Variants in PCDHGC5 observed in about 807,000 individuals in gnomAD.
PCDHGC5 encodes the protein protocadherin gamma subfamily C, 5.
In PCDHGC5, 25 loss-of-function variants were observed where a neutral mutation model predicts 59.0. The observed-to-expected ratio is 0.42, with a 90% CI of 0.31 to 0.59. The LOEUF is 0.59. Among genes scored for constraint, PCDHGC5 ranks in the 20% least tolerant of loss-of-function variants. The pLI is 0.13. For synonymous variants in PCDHGC5, 434 were observed against 505.5 expected, an observed-to-expected ratio of 0.86 and a Z score of 1.90; for missense variants, 1,067 against 1,206.4, an observed-to-expected ratio of 0.88 and a Z score of 1.71.
At chr5:141,494,638 A>G (rs2099755799) in intron 1 of PCDHGC5, 169 bp from the exon 2 acceptor site, 1 of 896,388 alleles carries the variant, frequency 1.1e-6, no homozygotes, top group African/African-American at 1.8e-5. Context: ...GACCTCTGAG[A>G]CCTGAGGTGT....
Position 141,490,446 on chromosome 5 carries a change from C to T in PCDHGC5, c.1206C>T (p.Asn402=), listed in dbSNP as rs779502898. 2.5e-6 allele frequency: 4 copies of T among 1,614,196 alleles called. No homozygotes were observed. The highest frequency in any genetic ancestry group is 3.4e-6 in the Non-Finnish European group (4 of 1,180,016). ...DLPFQIKPSE[N]HYSLLTSQPL... ...CATTTCAGATTAAGCCTTCTGAGAA[C>T]CACTACTCGCTGCTAACCAGCCAGC... Residue 402 remains asparagine (N), a synonymous_variant, in exon 1 of 4, where the codon AAC becomes AAT. Coordinates refer to ENST00000252087, the MANE Select transcript of PCDHGC5 (RefSeq NM_018929.3). The surrounding 1 kb of genome is among the most constrained non-coding windows in gnomAD (Gnocchi z 5.4).
intron 2 of PCDHGC5, among the ~76,000 whole-genome samples, chr5:141,502,135 G>A (rs1254187943): frequency 6.6e-6 from 1 of 152,154 alleles, no homozygotes; most frequent in East Asian, 1.9e-4. Context: ...GAGCTCAGTC[G>A]GGCCGGAAGT....
At chr5:141,501,355 A>G (rs936121172) in intron 2 of PCDHGC5, among the ~76,000 whole-genome samples, 4 of 151,760 alleles carry the variant, frequency 2.6e-5, no homozygotes, top group African/African-American at 9.7e-5. Flanking sequence ...ATAGGGCAAG[A>G]ACCATATTCA....
chr5:141,501,891 T>G (rs2099811650), intron 2 of PCDHGC5, among the ~76,000 whole-genome samples: 1 of 152,128 alleles, frequency 6.6e-6, no homozygotes, highest in Admixed American at 6.5e-5. Context: ...CTGATCATCA[T>G]GGTTCCAACC....
intron 3 of PCDHGC5, 79 bp downstream of exon 3, chr5:141,505,560 G>A: frequency 6.2e-7 from 1 of 1,604,768 alleles, no homozygotes; most frequent in South Asian, 1.1e-5. Context: ...CATGCCCACG[G>A]ACTGGATGTC....
chr5:141,490,454 CG>C lies in PCDHGC5; in HGVS notation c.1215del (p.Leu406CysfsTer2). ...ATTAAGCCTTCTGAGAACCACTACT[CG>C]CTGCTAACCAGCCAGCCTTTGGACC... ...FQIKPSENHY[S>X]LLTSQPLDRE... On this transcript the variant is annotated frameshift_variant, in exon 1 of 4. Coordinates refer to ENST00000252087, the MANE Select transcript of PCDHGC5 (RefSeq NM_018929.3). LOFTEE classifies it high-confidence loss of function. This position sits in a 1 kb window ranked among gnomAD's most constrained non-coding sequence, Gnocchi z 5.4. The C allele has an allele frequency of 1.2e-6, 2 of 1,614,176 alleles. No individual in the cohort carries two copies. Among genetic ancestry groups the C allele is most frequent in the Non-Finnish European group, 1.7e-6 (2 of 1,180,020 alleles).
At position 141,502,499 on chromosome 5, in the gene PCDHGC5, C is replaced by T. The variant is rs552402476; in HGVS notation, c.2520-2894C>T. ...CATCACACTGGGACTCATCTAACGT[C>T]GGCCTGTCCCACTATCAGTGATGCC... On this transcript the variant is annotated intron_variant, in intron 2 of 3. Coordinates refer to ENST00000252087, the MANE Select transcript of PCDHGC5 (RefSeq NM_018929.3). Among the ~76,000 whole-genome samples, 24 of 152,240 alleles carry T rather than the reference C, an allele frequency of 1.6e-4. No homozygotes were observed. In the East Asian group the frequency reaches 4.1e-3, roughly 26 times the overall value.
At position 141,491,049 on chromosome 5, in the gene PCDHGC5, G is replaced by C; in HGVS notation, c.1809G>C (p.Ala603=). The C allele has an allele frequency of 1.2e-6, 2 of 1,614,116 alleles. No homozygotes were observed. Among genetic ancestry groups the C allele is most frequent in the Admixed American group, 3.3e-5 (2 of 60,024 alleles). Residue 603 remains alanine, a synonymous_variant, in exon 1 of 4, where the codon GCG becomes GCC. Transcript: ENST00000252087. This position sits in a 1 kb window ranked among gnomAD's most constrained non-coding sequence, Gnocchi z 6.9. The part of the protein sequence containing the change: ...TAVDADAGHN[A]WLSYSLLPQS... ...TGGATGCTGATGCAGGCCACAATGC[G>C]TGGCTCTCCTACTCACTGTTGCCAC...
intron 2 of PCDHGC5, among the ~76,000 whole-genome samples, chr5:141,502,894 G>C (rs1342496006): frequency 6.8e-6 from 1 of 147,968 alleles, no homozygotes; most frequent in Non-Finnish European, 1.5e-5. Context: ...AGGGAGTCTA[G>C]CTCTGTTGCC....
intron 2 of PCDHGC5, among the ~76,000 whole-genome samples, chr5:141,504,926 TGGTG>T (rs1312481961): frequency 1.3e-5 from 2 of 151,946 alleles, no homozygotes; most frequent in Non-Finnish European, 2.9e-5. Context: ...GGCTCTCTCA[TGGTG>T]GGTGGGGGAA....
At chr5:141,500,618 C>A (rs554274946) in intron 2 of PCDHGC5, among the ~76,000 whole-genome samples, 27 of 152,260 alleles carry the variant, frequency 1.8e-4, no homozygotes, top group African/African-American at 6.5e-4. Context: ...CCCAGTCATA[C>A]GGTACATTTC....
At chr5:141,494,188 T>C (rs2099752632) in intron 1 of PCDHGC5, among the ~76,000 whole-genome samples, 1 of 152,186 alleles carries the variant, frequency 6.6e-6, no homozygotes, top group South Asian at 2.1e-4. Flanking sequence ...GTCCCGGGAC[T>C]TGGATGCCCC....
In PCDHGC5 at chr5:141,491,081, C is replaced by T; in HGVS notation, c.1841C>T (p.Thr614Ile). The T allele has an allele frequency of 6.2e-7, 1 of 1,614,176 alleles. No individual in the cohort carries two copies. The highest frequency in any genetic ancestry group is 8.5e-7 in the Non-Finnish European group (1 of 1,180,010). The change falls in exon 1 of 4, where the codon ACA becomes ATA. Residue 614 changes from threonine to isoleucine, a missense_variant. Thr to Ile is a moderately conservative substitution (Grantham distance 89). Coordinates refer to ENST00000252087, the MANE Select transcript of PCDHGC5 (RefSeq NM_018929.3). The surrounding 1 kb of genome is among the most constrained non-coding windows in gnomAD (Gnocchi z 6.9). ...WLSYSLLPQS[T>I]APGLFLVSTH... Reference sequence around the variant, plus strand: ...TCCTACTCACTGTTGCCACAGTCCACAGCCCCAGGACTGTTCCTCGTGTCT... The same window carrying T: ...TCCTACTCACTGTTGCCACAGTCCATAGCCCCAGGACTGTTCCTCGTGTCT...
Position 141,490,348 on chromosome 5 carries a change from G to T in PCDHGC5, c.1108G>T (p.Gly370Trp), listed in dbSNP as rs2099698964. Residue 370 changes from glycine to tryptophan, a missense_variant, in exon 1 of 4, where the codon GGG (glycine) becomes TGG (tryptophan). Physicochemically the swap from Gly to Trp is radical, Grantham distance 184. Transcript: ENST00000252087. The surrounding 1 kb of genome is among the most constrained non-coding windows in gnomAD (Gnocchi z 5.4). ...LESTPVGTVV[G>W]LFNVRDRDSG... ...GAGCACACCAGTGGGCACAGTAGTG[G>T]GGTTGTTTAATGTGCGAGACCGGGA... The T allele has an allele frequency of 1.2e-6, 2 of 1,614,080 alleles. No homozygotes were observed. The highest frequency in any genetic ancestry group is 3.3e-5 in the Admixed American group (2 of 60,018).
intron 2 of PCDHGC5, among the ~76,000 whole-genome samples, chr5:141,499,612 C>T (rs1489412444): frequency 6.6e-6 from 1 of 151,968 alleles, no homozygotes; most frequent in African/African-American, 2.4e-5. Context: ...TACCCTTATC[C>T]TGTCCTTGGA....
At chr5:141,500,822 T>A (rs1377955680) in intron 2 of PCDHGC5, among the ~76,000 whole-genome samples, 1 of 152,240 alleles carries the variant, frequency 6.6e-6, no homozygotes, top group African/African-American at 2.4e-5. Context: ...TACATATTAT[T>A]TTTCTAATGC....
intron 1 of PCDHGC5, among the ~76,000 whole-genome samples, chr5:141,494,529 G>C (rs952931724): frequency 1.3e-5 from 2 of 152,132 alleles, no homozygotes; most frequent in African/African-American, 4.8e-5. Flanking sequence ...TCTGACTCTG[G>C]GGGCAGGGAG....
In PCDHGC5 at chr5:141,493,356, C is replaced by G. The variant is rs1303319550; in HGVS notation, c.2461-1451C>G. On this transcript the variant is annotated intron_variant, in intron 1 of 3. Transcript: ENST00000252087. The surrounding 1 kb of genome is among the most constrained non-coding windows in gnomAD (Gnocchi z 4.3). ...ACTCCAGAATGTGTGCTTTTAATTT[C>G]TTGGCACTTGGAACTTTAAAAGCTT... Among the ~76,000 whole-genome samples the G allele has an allele frequency of 6.6e-6, 1 of 152,182 alleles. No individual in the cohort carries two copies. The highest frequency in any genetic ancestry group is 1.5e-5 in the Non-Finnish European group (1 of 68,032).
intron 2 of PCDHGC5, among the ~76,000 whole-genome samples, chr5:141,496,040 AT>A (rs2099765531): frequency 1.3e-5 from 2 of 150,356 alleles, no homozygotes; most frequent in Admixed American, 6.6e-5. Flanking sequence ...TCTGTCTCTC[AT>A]TTTTTTGTGC....
Sources: gnomAD v4.1 joint callset for allele counts (sites outside exome capture counted in the v4.1 genomes callset) on GRCh38, gnomAD v4.1.1 for gene constraint, Gnocchi (gnomAD v3.1) non-coding constraint, MANE v1.5 for transcripts, NCBI Gene and HGNC (gene_info 2026-07-23, HGNC 2026-07-21) for gene names.